Variants in EEF1AKMT1 observed in about 807,000 individuals in gnomAD.
EEF1AKMT1 encodes the protein N-6 adenine-specific DNA methyltransferase 2 (putative).
Under a neutral mutation model 21.0 loss-of-function variants are expected in EEF1AKMT1, and 18 were observed. That is an observed-to-expected ratio of 0.86 (90% confidence interval 0.59 to 1.27). The LOEUF is 1.27. EEF1AKMT1 is among the 50% of genes most tolerant of loss of function. The probability of loss-of-function intolerance (pLI) is 0.00; values close to 1 mark genes in which losing one functional copy is unlikely to be tolerated. For synonymous variants in EEF1AKMT1, 109 were observed against 94.8 expected, an observed-to-expected ratio of 1.15 and a Z score of -0.87; for missense variants, 246 against 258.6, an observed-to-expected ratio of 0.95 and a Z score of 0.33.
intron 1 of EEF1AKMT1, among the ~76,000 whole-genome samples, chr13:20,764,892 C>T (rs2059019433): frequency 6.7e-6 from 1 of 149,246 alleles, no homozygotes. Flanking sequence ...CACACACACA[C>T]ACACACACAC....
intron 3 of EEF1AKMT1, 106 bp downstream of exon 3, chr13:20,737,617 C>T: frequency 1.1e-6 from 1 of 945,238 alleles, no homozygotes; most frequent in Non-Finnish European, 1.6e-6. Flanking sequence ...CCATGATCTA[C>T]AATATTTACA....
At chr13:20,753,136 T>C (rs893308671) in intron 2 of EEF1AKMT1, among the ~76,000 whole-genome samples, 4 of 152,166 alleles carry the variant, frequency 2.6e-5, no homozygotes, top group Non-Finnish European at 4.4e-5. Flanking sequence ...GTATGTTGTG[T>C]TTTGATTTTC....
At chr13:20,766,814 T>A (rs1333253017) in intron 1 of EEF1AKMT1, among the ~76,000 whole-genome samples, 1 of 151,390 alleles carries the variant, frequency 6.6e-6, no homozygotes. Context: ...AGAGCAAGAC[T>A]CCATCTCAAA....
chr13:20,755,269 T>C (rs1039569116), intron 2 of EEF1AKMT1, among the ~76,000 whole-genome samples: 2 of 152,142 alleles, frequency 1.3e-5, no homozygotes, highest in African/African-American at 4.8e-5. Context: ...GCTCCAGAGA[T>C]GTGGAGATGC....
At chr13:20,770,790 AGT>A (rs985432790) in intron 1 of EEF1AKMT1, among the ~76,000 whole-genome samples, 13 of 152,194 alleles carry the variant, frequency 8.5e-5, no homozygotes, top group African/African-American at 3.1e-4. Flanking sequence ...GAAAAATAAA[AGT>A]GTGTTTGTGT....
In EEF1AKMT1 at chr13:20,767,305, C is replaced by CAAAA. The variant is rs61703956; in HGVS notation, c.-20+6612_-20+6615dup. Among the ~76,000 whole-genome samples, 48 of 40,346 alleles carry CAAAA rather than the reference C, an allele frequency of 1.2e-3. 1 individual carries two copies. Among genetic ancestry groups the CAAAA allele is most frequent in the African/African-American group, 3.3e-3 (40 of 12,086 alleles). 26.5% of individuals were successfully genotyped at this position (40,346 alleles called of 152,430 possible). ...TGGGCGACAAAGCGAGATTCTGTCT[C>CAAAA]AAAAAAAAAAAAAAAAAAAAAAAAA... is the stretch of plus-strand genomic sequence containing the variant. On this transcript the variant is annotated intron_variant, in intron 1 of 4. Coordinates refer to ENST00000382758, the MANE Select transcript of EEF1AKMT1 (RefSeq NM_001318939.2).
intron 2 of EEF1AKMT1, among the ~76,000 whole-genome samples, chr13:20,740,227 G>A (rs781190474): frequency 2.6e-5 from 4 of 152,224 alleles, no homozygotes; most frequent in South Asian, 2.1e-4. Flanking sequence ...CTCCGAGTGC[G>A]GGGCCTGCCA....
intron 2 of EEF1AKMT1, among the ~76,000 whole-genome samples, chr13:20,754,785 T>G (rs545914094): frequency 1.5e-4 from 22 of 149,028 alleles, no homozygotes; most frequent in Non-Finnish European, 2.4e-4. Flanking sequence ...TAGTGGCACA[T>G]GCCTGTAGGC....
intron 2 of EEF1AKMT1, among the ~76,000 whole-genome samples, chr13:20,748,726 G>GTTGTTGTTGTTTT (rs2058924339): frequency 1.5e-4 from 11 of 72,618 alleles, no homozygotes; most frequent in Non-Finnish European, 2.0e-4. Context: ...TTTTTTTTTG[G>GTTGTTGTTGTTTT]TTTTTTTTTT....
At chr13:20,748,502 C>G in intron 2 of EEF1AKMT1, among the ~76,000 whole-genome samples, 1 of 151,736 alleles carries the variant, frequency 6.6e-6, no homozygotes, top group Non-Finnish European at 1.5e-5. Flanking sequence ...TATCCCATGA[C>G]CCCCTGCCAT....
chr13:20,749,479 T>G (rs2058929182), intron 2 of EEF1AKMT1, among the ~76,000 whole-genome samples: 2 of 152,224 alleles, frequency 1.3e-5, no homozygotes, highest in South Asian at 4.1e-4. Context: ...CAAACCCTCC[T>G]GCAGCTCTTG....
rs1396041593 is a variant in EEF1AKMT1, at chr13:20,728,796, GTTC to G, written c.*281_*283del. 2.4e-6 allele frequency: 1 copy of G among 420,274 alleles called. No homozygotes were observed. The highest frequency in any genetic ancestry group is 4.4e-6 in the Non-Finnish European group (1 of 227,138). The allele number at this position is 420,274 out of a possible 1,614,324, so 26.0% of individuals were successfully genotyped here. On this transcript the variant is annotated 3_prime_UTR_variant, in exon 5 of 5. Coordinates refer to ENST00000382758, the MANE Select transcript of EEF1AKMT1 (RefSeq NM_001318939.2). The stretch of plus-strand genomic sequence containing the variant: ...GAGCCCTTGGGCAAGCCACACAACT[GTTC>G]TTCTGTTTTTACACATGTTAAATGA...
chr13:20,744,223 T>C (rs1418099679), intron 2 of EEF1AKMT1, among the ~76,000 whole-genome samples: 1 of 152,198 alleles, frequency 6.6e-6, no homozygotes, highest in South Asian at 2.1e-4. Flanking sequence ...ATGAGTCAAA[T>C]GGTATTTCTC....
Position 20,761,950 on chromosome 13 carries a change from A to G in EEF1AKMT1, c.-19-4333T>C, listed in dbSNP as rs137993272. On this transcript the variant is annotated intron_variant, in intron 1 of 4. Coordinates refer to ENST00000382758, the MANE Select transcript of EEF1AKMT1 (RefSeq NM_001318939.2). ...TGTCTCTACAAAAATGTTTTTAAAA[A>G]TTAGCTGAGTGTGATGGCATGTGCC... 6.6e-5 allele frequency among the ~76,000 whole-genome samples: 10 copies of G among 152,202 alleles called. No individual in the cohort carries two copies. The East Asian group carries it at 1.9e-3, about 29-fold the overall frequency.
At position 20,735,821 on chromosome 13, in the gene EEF1AKMT1, A is replaced by G. The variant is rs1284798791; in HGVS notation, c.227+1902T>C. Among the ~76,000 whole-genome samples, 3 of 152,362 alleles carry G rather than the reference A, an allele frequency of 2.0e-5. No homozygotes were observed. The East Asian group carries it at 5.8e-4, about 29-fold the overall frequency. ...AAAATTCTATAATATCCTCAAAAGG[A>G]TGAACAAGACACAATAATAAAGAAA... On this transcript the variant is annotated intron_variant, in intron 3 of 4. Transcript: ENST00000382758.
At chr13:20,747,875 A>G in intron 2 of EEF1AKMT1, 2 of 173,304 alleles carry the variant, frequency 1.2e-5, no homozygotes, top group East Asian at 3.2e-4. Flanking sequence ...GGCCAGCTGT[A>G]TCCCATACAA....
chr13:20,767,680 G>T (rs2141440666), intron 1 of EEF1AKMT1, among the ~76,000 whole-genome samples: 1 of 152,140 alleles, frequency 6.6e-6, no homozygotes, highest in Non-Finnish European at 1.5e-5. Flanking sequence ...TGTATTTTGT[G>T]TTTATTGAGC....
chr13:20,728,985 G>T lies in EEF1AKMT1; in HGVS notation c.*95C>A. On this transcript the variant is annotated 3_prime_UTR_variant, in exon 5 of 5. Coordinates refer to ENST00000382758, the MANE Select transcript of EEF1AKMT1 (RefSeq NM_001318939.2). The stretch of plus-strand genomic sequence containing the variant: ...AGGCCAGGGACAGCTCCAGTTTGGG[G>T]GGAGGGGAAGAGATTATAACTTTTA... 1 of 1,492,294 alleles carries T rather than the reference G, an allele frequency of 6.7e-7. No individual in the cohort carries two copies. The highest frequency in any genetic ancestry group is 9.3e-7 in the Non-Finnish European group (1 of 1,080,908). 92.4% of individuals were successfully genotyped at this position (1,492,294 alleles called of 1,614,324 possible).
chr13:20,765,069 G>A (rs1473295231), intron 1 of EEF1AKMT1, among the ~76,000 whole-genome samples: 1 of 151,894 alleles, frequency 6.6e-6, no homozygotes, highest in East Asian at 1.9e-4. Context: ...AGACCAGCCT[G>A]GTCAACATAA....
Sources: allele counts gnomAD v4.1 joint callset (sites outside exome capture counted in the v4.1 genomes callset), GRCh38; gene constraint gnomAD v4.1.1; transcripts MANE v1.5; gene names NCBI Gene and HGNC (gene_info 2026-07-23, HGNC 2026-07-21).